The following DISP1 variants were observed in gnomAD, a reference collection of about 807,000 sequenced individuals.
The protein encoded by DISP1 is protein dispatched homolog 1.
Under a neutral mutation model 37.3 loss-of-function variants are expected in DISP1, and 30 were observed. The ratio of observed to expected loss-of-function variants is 0.80; its 90% confidence interval spans 0.60 to 1.09. The LOEUF (loss-of-function observed/expected upper bound fraction) is 1.09, where lower values mean the gene tolerates loss of function less well. Among genes scored for constraint, DISP1 ranks in the 50% least tolerant of loss-of-function variants. DISP1 has a pLI of 0.00. For missense variants in DISP1, 1,598 were observed against 1,879.5 expected, an observed-to-expected ratio of 0.85 and a Z score of 2.77; for synonymous variants, 634 against 690.2, an observed-to-expected ratio of 0.92 and a Z score of 1.28.
chr1:222,854,449 A>C (rs1346686720), intron 1 of DISP1, among the ~76,000 whole-genome samples: 1 of 152,176 alleles, frequency 6.6e-6, no homozygotes, highest in Non-Finnish European at 1.5e-5. Flanking sequence ...TATCACGAGA[A>C]CATCATGGGG....
At chr1:222,955,863 AC>A (rs1675556626) in intron 3 of DISP1, among the ~76,000 whole-genome samples, 1 of 152,204 alleles carries the variant, frequency 6.6e-6, no homozygotes, top group African/African-American at 2.4e-5. Flanking sequence ...AAAGCAGAAT[AC>A]AATGAAAGAC....
At chr1:222,988,020 A>G (rs2102727936) in intron 4 of DISP1, among the ~76,000 whole-genome samples, 1 of 152,314 alleles carries the variant, frequency 6.6e-6, no homozygotes, top group South Asian at 2.1e-4. Context: ...ATATTTTTGC[A>G]CAGGGTGTGT....
At chr1:222,869,598 T>C (rs34892353) in intron 1 of DISP1, among the ~76,000 whole-genome samples, 59,120 of 151,946 alleles carry the variant, frequency 0.39, 11,679 homozygotes, top group South Asian at 0.51. Context: ...CTTGGAGAAA[T>C]CATGAGCATC....
chr1:222,948,922 A>G (rs1319654841), intron 3 of DISP1, among the ~76,000 whole-genome samples: 1 of 152,214 alleles, frequency 6.6e-6, no homozygotes, highest in African/African-American at 2.4e-5. Context: ...TTAAAGAATC[A>G]ATCAGATAGA....
At chr1:222,868,428 A>C (rs1482437847) in intron 1 of DISP1, among the ~76,000 whole-genome samples, 1 of 152,152 alleles carries the variant, frequency 6.6e-6, no homozygotes, top group African/African-American at 2.4e-5. Context: ...GCCTGGAGAA[A>C]TAACCAGGCT....
intron 2 of DISP1, among the ~76,000 whole-genome samples, chr1:222,934,807 C>G (rs935192397): frequency 1.3e-5 from 2 of 152,008 alleles, no homozygotes; most frequent in Admixed American, 6.6e-5. Flanking sequence ...CTAAAAAGAT[C>G]AAAATCTTAA....
At chr1:222,818,133 A>G (rs564513963) in intron 1 of DISP1, among the ~76,000 whole-genome samples, 1 of 152,036 alleles carries the variant, frequency 6.6e-6, no homozygotes, top group African/African-American at 2.4e-5. Context: ...GAACTATTGG[A>G]TAAATGATTT....
chr1:222,851,542 C>G (rs1344071984), intron 1 of DISP1, among the ~76,000 whole-genome samples: 2 of 152,058 alleles, frequency 1.3e-5, no homozygotes, highest in Admixed American at 6.6e-5. Flanking sequence ...ACTTTCTATA[C>G]AATAAAAAGT....
intron 5 of DISP1, 46 bp downstream of exon 5, chr1:222,990,794 A>G: frequency 1.2e-6 from 2 of 1,610,234 alleles, no homozygotes; most frequent in Non-Finnish European, 1.7e-6. Context: ...ATCTCCAAAT[A>G]TTGTGTATTT....
chr1:222,854,091 TG>T (rs1309102322), intron 1 of DISP1, among the ~76,000 whole-genome samples: 1 of 152,156 alleles, frequency 6.6e-6, no homozygotes, highest in East Asian at 1.9e-4. Context: ...GAAAACACCA[TG>T]GCAAGATGTT....
chr1:222,941,148 G>T (rs1003694019), intron 2 of DISP1, among the ~76,000 whole-genome samples: 3 of 152,128 alleles, frequency 2.0e-5, no homozygotes, highest in Non-Finnish European at 4.4e-5. Context: ...TTGCCTCCTG[G>T]ATCACATTAG....
Position 222,948,825 on chromosome 1 carries a change from A to G in DISP1, c.509+5493A>G, listed in dbSNP as rs566033088. Reference sequence around the variant, plus strand: ...AATTTTTATTGTTATTTGCACCTATACCACAAATGGGCCCACCTGTTTGTA... The same window carrying G: ...AATTTTTATTGTTATTTGCACCTATGCCACAAATGGGCCCACCTGTTTGTA... On this transcript the variant is annotated intron_variant, in intron 3 of 8. Transcript: ENST00000675850. Among the ~76,000 whole-genome samples, 4 of 152,308 alleles carry G rather than the reference A, an allele frequency of 2.6e-5. No homozygotes were observed. The South Asian group carries it at 8.3e-4, about 32-fold the overall frequency.
intron 2 of DISP1, among the ~76,000 whole-genome samples, chr1:222,934,521 A>G (rs902352259): frequency 6.6e-6 from 1 of 152,114 alleles, no homozygotes; most frequent in Non-Finnish European, 1.5e-5. Flanking sequence ...TAGCAGGCCA[A>G]CGAGGTACCA....
chr1:222,818,071 TTTG>T (rs1259574918), intron 1 of DISP1, among the ~76,000 whole-genome samples: 1 of 152,092 alleles, frequency 6.6e-6, no homozygotes, highest in Non-Finnish European at 1.5e-5. Flanking sequence ...GCCCTTAACC[TTTG>T]TTGTTATTAT....
At chr1:222,986,584 A>G (rs1678291011) in intron 4 of DISP1, among the ~76,000 whole-genome samples, 1 of 152,240 alleles carries the variant, frequency 6.6e-6, no homozygotes, top group Non-Finnish European at 1.5e-5. Flanking sequence ...CCAGAACGCC[A>G]GGCAGCATGC....
chr1:222,999,073 A>G (rs889834034), intron 8 of DISP1, among the ~76,000 whole-genome samples: 5 of 152,070 alleles, frequency 3.3e-5, no homozygotes, highest in Admixed American at 1.3e-4. Context: ...CAATAGTTTT[A>G]AAAGTTAAGG....
chr1:222,995,128 G>C, intron 8 of DISP1, 146 bp downstream of exon 8: 1 of 673,970 alleles, frequency 1.5e-6, no homozygotes, highest in Non-Finnish European at 2.6e-6. Flanking sequence ...GGCCAGCTTT[G>C]CATTCTTTCA....
chr1:222,961,023 G>C (rs375369389), intron 3 of DISP1, among the ~76,000 whole-genome samples: 1 of 152,030 alleles, frequency 6.6e-6, no homozygotes, highest in African/African-American at 2.4e-5. Flanking sequence ...ATTCACAGCC[G>C]AATTTTACCA....
At chr1:222,845,819 G>A (rs1209078135) in intron 1 of DISP1, among the ~76,000 whole-genome samples, 1 of 152,014 alleles carries the variant, frequency 6.6e-6, no homozygotes, top group Admixed American at 6.6e-5. Flanking sequence ...AATTTGTTTT[G>A]GGGTGTAATT....
Sources: allele counts gnomAD v4.1 joint callset (sites outside exome capture counted in the v4.1 genomes callset), GRCh38; gene constraint gnomAD v4.1.1; transcripts MANE v1.5; gene names NCBI Gene and HGNC (gene_info 2026-07-23, HGNC 2026-07-21).